The following ITGB6 variants were observed in gnomAD, a reference collection of about 807,000 sequenced individuals.
The protein encoded by ITGB6 is integrin subunit beta 6.
Under a neutral mutation model 84.5 loss-of-function variants are expected in ITGB6, and 80 were observed. The observed-to-expected ratio is 0.95, with a 90% CI of 0.79 to 1.14. The LOEUF (loss-of-function observed/expected upper bound fraction) is 1.14, where lower values mean the gene tolerates loss of function less well. ITGB6 is among the 50% of genes most tolerant of loss of function. The pLI is 0.00. For missense variants in ITGB6, 1,006 were observed against 968.0 expected (o/e 1.04, Z -0.52); for synonymous variants, 383 against 354.9 (o/e 1.08, Z -0.89).
intron 7 of ITGB6, among the ~76,000 whole-genome samples, chr2:160,166,910 T>TA (rs963131608): frequency 1.2e-4 from 19 of 152,092 alleles, no homozygotes; most frequent in African/African-American, 3.9e-4. Context: ...CCACAGTTAC[T>TA]AAAAAAAACA....
intron 12 of ITGB6, among the ~76,000 whole-genome samples, chr2:160,112,632 C>A (rs1171113603): frequency 6.6e-6 from 1 of 152,024 alleles, no homozygotes; most frequent in Non-Finnish European, 1.5e-5. Context: ...TTTCTCACAA[C>A]GACATAGTCA....
intron 4 of ITGB6, among the ~76,000 whole-genome samples, chr2:160,177,058 C>T (rs1322766565): frequency 6.6e-6 from 1 of 151,906 alleles, no homozygotes; most frequent in African/African-American, 2.4e-5. Context: ...GTATCCATTG[C>T]CATCTGTGGT....
At chr2:160,177,644 G>A (rs1563573) in intron 4 of ITGB6, among the ~76,000 whole-genome samples, 118,782 of 151,978 alleles carry the variant, frequency 0.78, 46,688 homozygotes, top group South Asian at 0.87. Context: ...TTTGTTCATG[G>A]TGTTTTTGGA....
chr2:160,168,964 TCTGTTTCATTTC>T (rs1685103285), intron 7 of ITGB6, among the ~76,000 whole-genome samples: 1 of 152,210 alleles, frequency 6.6e-6, no homozygotes, highest in Non-Finnish European at 1.5e-5. Context: ...CTCCAGCATA[TCTGTTTCATTTC>T]CTTAACTCAG....
intron 4 of ITGB6, among the ~76,000 whole-genome samples, chr2:160,182,520 G>A (rs563121802): frequency 6.6e-6 from 1 of 152,308 alleles, no homozygotes; most frequent in South Asian, 2.1e-4. Flanking sequence ...TGTTTGATTG[G>A]TGTACCTGAA....
chr2:160,141,941 C>T, intron 8 of ITGB6, 41 bp downstream of exon 8: 2 of 1,281,610 alleles, frequency 1.6e-6, no homozygotes, highest in South Asian at 1.3e-5. Flanking sequence ...TTTTGAATAC[C>T]AAAGAAATGC....
intron 7 of ITGB6, among the ~76,000 whole-genome samples, chr2:160,163,577 A>G (rs1429777707): frequency 1.3e-5 from 2 of 151,642 alleles, no homozygotes; most frequent in African/African-American, 4.9e-5. Context: ...GGTTGCAGTG[A>G]GCTGAGATTG....
rs775562421 is a variant in ITGB6, at chr2:160,107,848, GC to G, written c.2102-4del. On this transcript the variant is annotated splice_polypyrimidine_tract_variant and splice_region_variant and intron_variant, in intron 13 of 14. Transcript: ENST00000283249. ...AATGTTTGGAGGCTTCGGACAATCT[GC>G]AGAAATAAAGAAAATTATAAGAAGG... The G allele has an allele frequency of 1.9e-6, 3 of 1,570,732 alleles. No individual in the cohort carries two copies. The Admixed American group carries it at 5.3e-5, about 28-fold the overall frequency.
chr2:160,142,701 A>G lies in ITGB6; in HGVS notation c.1018-630T>C, dbSNP rs559125166. Among the ~76,000 whole-genome samples the G allele has an allele frequency of 2.0e-5, 3 of 152,286 alleles. No individual in the cohort carries two copies. In the South Asian group the frequency reaches 6.2e-4, roughly 32 times the overall value. On this transcript the variant is annotated intron_variant, in intron 7 of 14. Coordinates refer to ENST00000283249, the MANE Select transcript of ITGB6 (RefSeq NM_000888.5). Reference sequence around the variant, plus strand: ...TGAGTCAGAAGCTAGTGCAGAAAGCATTCTTTACCCACAGTGTTTTTTCCT... The same window carrying G: ...TGAGTCAGAAGCTAGTGCAGAAAGCGTTCTTTACCCACAGTGTTTTTTCCT...
Position 160,133,905 on chromosome 2 carries a change from A to G in ITGB6, c.1660+3529T>C, listed in dbSNP as rs557227321. On this transcript the variant is annotated intron_variant, in intron 10 of 14. Coordinates refer to ENST00000283249, the MANE Select transcript of ITGB6 (RefSeq NM_000888.5). Reference sequence around the variant, plus strand: ...AGAATCTCTGGGACACATTCAAAGCAGTGTGTAGAGGGAAATTTATCACAC... The same window carrying G: ...AGAATCTCTGGGACACATTCAAAGCGGTGTGTAGAGGGAAATTTATCACAC... Among the ~76,000 whole-genome samples, 375 of 152,322 alleles carry G rather than the reference A, an allele frequency of 2.5e-3. 2 individuals carry two copies. Among genetic ancestry groups the G allele is most frequent in the Non-Finnish European group, 4.6e-3 (310 of 68,024 alleles).
At position 160,170,017 on chromosome 2, in the gene ITGB6, A is replaced by G. The variant is rs527608855; in HGVS notation, c.922-710T>C. ...TGGACTTTACTTTTCAAGTTTGGAA[A>G]ATATTATGTGGCATTTGCCCATTAT... is the stretch of plus-strand genomic sequence containing the variant. On this transcript the variant is annotated intron_variant, in intron 6 of 14. Coordinates refer to ENST00000283249, the MANE Select transcript of ITGB6 (RefSeq NM_000888.5). Among the ~76,000 whole-genome samples the G allele has an allele frequency of 1.1e-4, 16 of 152,354 alleles. No homozygotes were observed. The South Asian group carries it at 3.1e-3, about 30-fold the overall frequency.
intron 10 of ITGB6, among the ~76,000 whole-genome samples, chr2:160,134,600 TA>T (rs1559130275): frequency 6.6e-6 from 1 of 151,864 alleles, no homozygotes; most frequent in East Asian, 1.9e-4. Flanking sequence ...GAGACACAAC[TA>T]AAAAAGAGAA....
chr2:160,197,431 G>A (rs1195699984), intron 2 of ITGB6, among the ~76,000 whole-genome samples: 1 of 152,218 alleles, frequency 6.6e-6, no homozygotes, highest in Non-Finnish European at 1.5e-5. Context: ...GGGAGATGGA[G>A]CTAATAGATT....
At chr2:160,190,245 C>A (rs566732446) in intron 4 of ITGB6, among the ~76,000 whole-genome samples, 199 of 151,436 alleles carry the variant, frequency 1.3e-3, no homozygotes, top group Non-Finnish European at 2.3e-3. Flanking sequence ...AGGAGATATA[C>A]CTAATGCTAA....
chr2:160,124,431 A>G (rs755502646), intron 11 of ITGB6, among the ~76,000 whole-genome samples: 4 of 152,208 alleles, frequency 2.6e-5, no homozygotes, highest in Non-Finnish European at 4.4e-5. Flanking sequence ...CTGGATCTCA[A>G]AAGCTGTGGA....
At chr2:160,123,552 C>T (rs1683121327) in intron 12 of ITGB6, among the ~76,000 whole-genome samples, 1 of 152,088 alleles carries the variant, frequency 6.6e-6, no homozygotes, top group Admixed American at 6.5e-5. Context: ...CAGAGGTGAA[C>T]TTGGCAACAG....
intron 7 of ITGB6, among the ~76,000 whole-genome samples, chr2:160,156,129 T>C (rs545924081): frequency 5.8e-4 from 88 of 152,322 alleles, no homozygotes; most frequent in African/African-American, 2.0e-3. Flanking sequence ...ATCAAGGGGA[T>C]GCTTCCGGGT....
At chr2:160,179,065 C>A (rs935366711) in intron 4 of ITGB6, 1 of 152,080 alleles carries the variant, frequency 6.6e-6, no homozygotes, top group Non-Finnish European at 1.5e-5. Context: ...CACCAAATTA[C>A]TTGATTTTGA....
At chr2:160,153,887 C>T (rs149923249) in intron 7 of ITGB6, among the ~76,000 whole-genome samples, 1 of 152,130 alleles carries the variant, frequency 6.6e-6, no homozygotes, top group Non-Finnish European at 1.5e-5. Context: ...AATGAGATAC[C>T]ATCTCACACT....
Sources: allele counts gnomAD v4.1 joint callset (sites outside exome capture counted in the v4.1 genomes callset), GRCh38; gene constraint gnomAD v4.1.1; transcripts MANE v1.5; gene names NCBI Gene and HGNC (gene_info 2026-07-23, HGNC 2026-07-21).